ZZEF1: variants seen among roughly 807,000 people sequenced by gnomAD.
ZZEF1 encodes the protein zinc finger ZZ-type and EF-hand domain containing 1.
Under a neutral mutation model 342.8 loss-of-function variants are expected in ZZEF1, and 157 were observed. That is an observed-to-expected ratio of 0.46 (90% CI 0.40 to 0.52). The LOEUF is 0.52. Among genes scored for constraint, ZZEF1 ranks in the 20% least tolerant of loss-of-function variants. The probability of loss-of-function intolerance (pLI) is 0.00; values close to 1 mark genes in which losing one functional copy is unlikely to be tolerated. For missense variants in ZZEF1, 3,480 were observed against 3,725.6 expected, an observed-to-expected ratio of 0.93 and a Z score of 1.72; for synonymous variants, 1,505 against 1,429.1, an observed-to-expected ratio of 1.05 and a Z score of -1.20.
chr17:4,134,615 T>C (rs1388194073), intron 1 of ZZEF1, among the ~76,000 whole-genome samples: 3 of 152,064 alleles, frequency 2.0e-5, no homozygotes, highest in Non-Finnish European at 4.4e-5. Context: ...GATCAACTTA[T>C]ATTTTCCACA....
chr17:4,127,290 C>T (rs577102413), intron 1 of ZZEF1, among the ~76,000 whole-genome samples: 5 of 152,280 alleles, frequency 3.3e-5, no homozygotes, highest in East Asian at 1.9e-4. Context: ...AGGCAAGTTA[C>T]GATGCCCAGC....
intron 42 of ZZEF1, among the ~76,000 whole-genome samples, chr17:4,031,474 G>A (rs1441447961): frequency 6.6e-6 from 1 of 152,138 alleles, no homozygotes; most frequent in Non-Finnish European, 1.5e-5. Flanking sequence ...AAGATAATTG[G>A]ATGGAGAAAG....
At chr17:4,109,934 A>G in intron 5 of ZZEF1, 71 bp from the exon 6 acceptor site, 2 of 1,459,466 alleles carry the variant, frequency 1.4e-6, no homozygotes, top group Non-Finnish European at 9.5e-7. Flanking sequence ...CCCAACTAAA[A>G]GCAAAATAGT....
rs562459742 is a variant in ZZEF1 at position 4,016,025 on chromosome 17, G to A, written c.8145+298C>T. ...CTCACTGTCTCACTGTGAAGCCAAG[G>A]ACTCACTCTGAGGAGCCTGCCGCAG... On this transcript the variant is annotated intron_variant, in intron 49 of 54. Transcript: ENST00000381638. The surrounding 1 kb of genome is among the most constrained non-coding windows in gnomAD (Gnocchi z 4.4). Among the ~76,000 whole-genome samples the A allele has an allele frequency of 6.6e-6, 1 of 152,358 alleles. No homozygotes were observed. The highest frequency in any genetic ancestry group is 2.4e-5 in the African/African-American group (1 of 41,598).
Position 4,095,812 on chromosome 17 carries a change from A to G in ZZEF1, c.1913+19T>C. On this transcript the variant is annotated intron_variant, in intron 11 of 54. Coordinates refer to ENST00000381638, the MANE Select transcript of ZZEF1 (RefSeq NM_015113.4). ...TGTTCTGTAGATCTTTGTTCTACAA[A>G]GATTTTTTACCTTCTTACCTGCTTT... 6.3e-7 allele frequency: 1 copy of G among 1,590,382 alleles called. No homozygotes were observed.
chr17:4,037,313 T>C (rs2056695045), intron 39 of ZZEF1, among the ~76,000 whole-genome samples: 1 of 152,230 alleles, frequency 6.6e-6, no homozygotes, highest in Non-Finnish European at 1.5e-5. Flanking sequence ...TGATCAGTAA[T>C]GAAATACGTC....
At chr17:4,126,932 A>T (rs2058582117) in intron 1 of ZZEF1, among the ~76,000 whole-genome samples, 1 of 152,044 alleles carries the variant, frequency 6.6e-6, no homozygotes, top group Non-Finnish European at 1.5e-5. Flanking sequence ...ATAACACTGC[A>T]CTCCAGCCTG....
At chr17:4,025,849 G>A (rs2056391656) in intron 42 of ZZEF1, among the ~76,000 whole-genome samples, 1 of 152,202 alleles carries the variant, frequency 6.6e-6, no homozygotes, top group African/African-American at 2.4e-5. Context: ...TGATCCCTGA[G>A]AGAAGGGATA....
At chr17:4,019,582 A>G in intron 46 of ZZEF1, 87 bp downstream of exon 46, 1 of 1,234,002 alleles carries the variant, frequency 8.1e-7, no homozygotes, top group Non-Finnish European at 1.2e-6. Context: ...CGATCGATCC[A>G]GAAGCTGCTG....
intron 1 of ZZEF1, among the ~76,000 whole-genome samples, chr17:4,132,826 T>A (rs536790914): frequency 6.7e-6 from 1 of 149,224 alleles, no homozygotes; most frequent in African/African-American, 2.5e-5. Context: ...ATTAGCCGGG[T>A]GTGGTGGCGG....
rs548901493 is a variant in ZZEF1, at chr17:4,049,814, G to A, written c.5909C>T (p.Ser1970Leu). 6.8e-5 allele frequency: 110 copies of A among 1,614,136 alleles called. 1 individual carries two copies. In the South Asian group the frequency reaches 7.1e-4, roughly 10 times the overall value. The change falls in exon 37 of 55, where the codon TCG becomes TTG. Residue 1970 changes from serine to leucine, a missense_variant. Coordinates refer to ENST00000381638, the MANE Select transcript of ZZEF1 (RefSeq NM_015113.4). ...TGGTAGGGCCTGATCTTCTAGGCTC[G>A]AGTCCCCATCTGGCAATACACCCAG... ...ALLGVLPDGD[S>L]SLEDQALPVT...
chr17:4,142,424 T>C (rs1320428184), intron 1 of ZZEF1, 118 bp downstream of exon 1: 5 of 1,093,666 alleles, frequency 4.6e-6, no homozygotes, highest in Middle Eastern at 2.7e-4. Flanking sequence ...GGTGAAAAGC[T>C]GGAAACACCT....
chr17:4,054,001 A>G lies in ZZEF1; in HGVS notation c.5434+56T>C, dbSNP rs2057104193. 4 of 1,536,206 alleles carry G rather than the reference A, an allele frequency of 2.6e-6. 1 individual carries two copies. Among genetic ancestry groups the G allele is most frequent in the African/African-American group, 2.8e-5 (2 of 72,626 alleles). ...GAGTTTTTAAAAATGACAAGATCAT[A>G]GAAATCAGAAGTGATATTGCCTTTG... On this transcript the variant is annotated intron_variant, in intron 34 of 54. Transcript: ENST00000381638.
At chr17:4,048,280 T>C (rs1386664918) in intron 37 of ZZEF1, among the ~76,000 whole-genome samples, 1 of 152,232 alleles carries the variant, frequency 6.6e-6, no homozygotes. Flanking sequence ...GCCTGTCTTC[T>C]ACTGACTCTC....
chr17:4,098,458 A>C (rs2058076469), intron 9 of ZZEF1, among the ~76,000 whole-genome samples: 1 of 152,190 alleles, frequency 6.6e-6, no homozygotes, highest in Non-Finnish European at 1.5e-5. Flanking sequence ...ATAAATTAAA[A>C]GTATGAATGT....
intron 11 of ZZEF1, among the ~76,000 whole-genome samples, chr17:4,095,566 T>C (rs1555605106): frequency 2.0e-4 from 30 of 152,152 alleles, no homozygotes; most frequent in Non-Finnish European, 7.4e-5. Flanking sequence ...CAGGCATAGA[T>C]AGATCATTAC....
chr17:4,075,434 G>C lies in ZZEF1; in HGVS notation c.3235-5C>G. The C allele has an allele frequency of 6.2e-7, 1 of 1,612,876 alleles. No homozygotes were observed. The highest frequency in any genetic ancestry group is 8.5e-7 in the Non-Finnish European group (1 of 1,179,364). ...TTGCCAGGTCTCAACATCCAGCTAT[G>C]ATAACAAATGAGCCAGGGGAAAGAA... is the stretch of plus-strand genomic sequence containing the variant. On this transcript the variant is annotated splice_region_variant and splice_polypyrimidine_tract_variant and intron_variant, in intron 21 of 54. Coordinates refer to ENST00000381638, the MANE Select transcript of ZZEF1 (RefSeq NM_015113.4).
chr17:4,121,901 A>G (rs1025091854), intron 2 of ZZEF1, among the ~76,000 whole-genome samples: 1 of 151,886 alleles, frequency 6.6e-6, no homozygotes, highest in African/African-American at 2.4e-5. Flanking sequence ...TTTTTTCGTA[A>G]GAGATGGGGT....
At chr17:4,097,177 C>A (rs942674981) in intron 9 of ZZEF1, among the ~76,000 whole-genome samples, 1 of 151,102 alleles carries the variant, frequency 6.6e-6, no homozygotes, top group Non-Finnish European at 1.5e-5. Context: ...AGGAGAATGG[C>A]GTGAACCCGG....
Sources: gnomAD v4.1 joint callset for allele counts (sites outside exome capture counted in the v4.1 genomes callset) on GRCh38, gnomAD v4.1.1 for gene constraint, Gnocchi (gnomAD v3.1) non-coding constraint, MANE v1.5 for transcripts, NCBI Gene and HGNC (gene_info 2026-07-23, HGNC 2026-07-21) for gene names.